CLDN14: variants seen among roughly 807,000 people sequenced by gnomAD.
CLDN14 encodes the protein claudin-14.
Under a neutral mutation model 2.1 loss-of-function variants are expected in CLDN14, and 2 were observed. The observed-to-expected ratio is 0.96, with a 90% CI of 0.39 to 3.01. The LOEUF is 3.01. Among genes scored for constraint, CLDN14 ranks in the 30% most tolerant of loss-of-function variants. The pLI is 0.09. For synonymous variants in CLDN14, 136 were observed against 154.4 expected (o/e 0.88, Z 0.88); for missense variants, 298 against 328.0 (o/e 0.91, Z 0.71).
In CLDN14 at chr21:36,498,827, G is replaced by A. The variant is rs1405517302; in HGVS notation, c.-82+11536C>T. ...GACACCATCAGCCCTGCACGAAGGT[G>A]GCCGCTGAGGGGCCCTCATGGGGGC... On this transcript the variant is annotated intron_variant, in intron 2 of 2. Transcript: ENST00000342108. The surrounding 1 kb of genome is among the most constrained non-coding windows in gnomAD (Gnocchi z 4.9). Among the ~76,000 whole-genome samples, 5 of 152,130 alleles carry A rather than the reference G, an allele frequency of 3.3e-5. No homozygotes were observed. Among genetic ancestry groups the A allele is most frequent in the Non-Finnish European group, 2.9e-5 (2 of 68,024 alleles).
At chr21:36,532,189 T>C (rs184297334) in intron 1 of CLDN14, 1 of 152,238 alleles carries the variant, frequency 6.6e-6, no homozygotes, top group East Asian at 1.9e-4. Context: ...GAGACTTAAA[T>C]TCCACCCGGA....
At chr21:36,575,739 C>A (rs1601642540) in intron 1 of CLDN14, among the ~76,000 whole-genome samples, 1 of 152,178 alleles carries the variant, frequency 6.6e-6, no homozygotes, top group African/African-American at 2.4e-5. Flanking sequence ...TATTACATTG[C>A]AGCTGTTGAT....
chr21:36,552,469 T>A (rs912607826), intron 1 of CLDN14, among the ~76,000 whole-genome samples: 6 of 152,178 alleles, frequency 3.9e-5, no homozygotes, highest in African/African-American at 1.4e-4. Flanking sequence ...GTTAAGTTGA[T>A]CTGTTACAGG....
chr21:36,575,376 A>G (rs2087734684), intron 1 of CLDN14, among the ~76,000 whole-genome samples: 1 of 152,200 alleles, frequency 6.6e-6, no homozygotes, highest in South Asian at 2.1e-4. Flanking sequence ...TATCTCCACA[A>G]TTCTCCTAAG....
At chr21:36,518,817 A>C (rs904210071) in intron 1 of CLDN14, among the ~76,000 whole-genome samples, 1 of 152,222 alleles carries the variant, frequency 6.6e-6, no homozygotes, top group East Asian at 1.9e-4. Flanking sequence ...ATTAATGGGA[A>C]TACCAGGGCA....
intron 1 of CLDN14, among the ~76,000 whole-genome samples, chr21:36,574,007 T>C (rs1312720063): frequency 6.6e-6 from 1 of 152,148 alleles, no homozygotes; most frequent in East Asian, 1.9e-4. Flanking sequence ...TTCTATACAA[T>C]ATATATATAA....
At chr21:36,515,672 C>CA (rs112275304) in intron 1 of CLDN14, among the ~76,000 whole-genome samples, 4,573 of 85,100 alleles carry the variant, frequency 0.054, 88 homozygotes, top group Middle Eastern at 0.069. Flanking sequence ...GTCTCCATCT[C>CA]AAAAAAAAAA....
At chr21:36,521,976 T>C (rs1601622085) in intron 1 of CLDN14, among the ~76,000 whole-genome samples, 2 of 152,194 alleles carry the variant, frequency 1.3e-5, no homozygotes, top group African/African-American at 4.8e-5. Flanking sequence ...GAATTTTCTA[T>C]CAGCAGCAAC....
At chr21:36,525,403 AAT>A (rs753602683) in intron 1 of CLDN14, among the ~76,000 whole-genome samples, 1 of 151,726 alleles carries the variant, frequency 6.6e-6, no homozygotes, top group Non-Finnish European at 1.5e-5. Flanking sequence ...AAAAAAAAGA[AAT>A]AAAGACTTGA....
chr21:36,492,156 C>T (rs1036455269), intron 2 of CLDN14, among the ~76,000 whole-genome samples: 2 of 128,090 alleles, frequency 1.6e-5, no homozygotes, highest in South Asian at 3.0e-4. Flanking sequence ...ATGCAAGGGC[C>T]GGGCGCGGTG....
chr21:36,485,053 A>G (rs2086881693), upstream of CLDN14, among the ~76,000 whole-genome samples: 1 of 151,320 alleles, frequency 6.6e-6, no homozygotes, highest in South Asian at 2.1e-4. Flanking sequence ...ACTTGATGAC[A>G]TCCACAAAGT....
In CLDN14 at chr21:36,461,455, G is replaced by A. The variant is rs143628692; in HGVS notation, c.241C>T (p.Arg81Cys). 23 of 1,613,186 alleles carry A rather than the reference G, an allele frequency of 1.4e-5. No individual in the cohort carries two copies. The highest frequency in any genetic ancestry group is 5.3e-5 in the African/African-American group (4 of 74,936). The change falls in exon 2 of 2, where the codon CGC becomes TGC. Residue 81 changes from arginine to cysteine, a missense_variant. Transcript: ENST00000399135. Reference protein sequence around the residue: ...LALPQDLQAARALMVISCLLS... With the variant: ...LALPQDLQAACALMVISCLLS... ...AGGCAGGAGATGACCATGAGGGCGC[G>A]GGCAGCCTGGAGGTCTTGGGGCAGC...
At chr21:36,557,763 T>C (rs1199369227) in intron 1 of CLDN14, among the ~76,000 whole-genome samples, 3 of 152,258 alleles carry the variant, frequency 2.0e-5, no homozygotes, top group Admixed American at 6.5e-5. Context: ...GTTGTTTTCC[T>C]TGGCTATGCA....
At chr21:36,491,719 G>A (rs962183606) in intron 2 of CLDN14, among the ~76,000 whole-genome samples, 2 of 152,094 alleles carry the variant, frequency 1.3e-5, no homozygotes, top group Non-Finnish European at 2.9e-5. Context: ...TACATGCCTC[G>A]GGAGTGGCGA....
chr21:36,571,950 G>T (rs941743501), intron 1 of CLDN14, among the ~76,000 whole-genome samples: 2 of 152,098 alleles, frequency 1.3e-5, no homozygotes, highest in Non-Finnish European at 2.9e-5. Context: ...AATCCAAAAA[G>T]GATAGAGTTC....
At chr21:36,524,733 C>G (rs1449592858) in intron 1 of CLDN14, among the ~76,000 whole-genome samples, 1 of 152,168 alleles carries the variant, frequency 6.6e-6, no homozygotes, top group Non-Finnish European at 1.5e-5. Flanking sequence ...CACTTCCCAG[C>G]AGGGCTGGTG....
chr21:36,557,756 G>T (rs2087608916), intron 1 of CLDN14, among the ~76,000 whole-genome samples: 1 of 152,130 alleles, frequency 6.6e-6, no homozygotes, highest in South Asian at 2.1e-4. Flanking sequence ...TCTGTGGGTT[G>T]TTTTCCTTGG....
chr21:36,547,609 T>C (rs1000611971), intron 1 of CLDN14, among the ~76,000 whole-genome samples: 1 of 152,138 alleles, frequency 6.6e-6, no homozygotes, highest in Non-Finnish European at 1.5e-5. Flanking sequence ...GAGAGCGAAG[T>C]TAAATGCGAG....
Position 36,469,943 on chromosome 21 carries a change from TTTG to T in CLDN14, c.-81-8170_-81-8168del, listed in dbSNP as rs201904668. 5.3e-3 allele frequency among the ~76,000 whole-genome samples: 803 copies of T among 152,338 alleles called. 3 individuals are homozygous for T. Among genetic ancestry groups the T allele is most frequent in the African/African-American group, 0.014 (580 of 41,572 alleles). ...CAGGCAGGTTTGCTATGTTGCTGTT[TTTG>T]TTGTTGTTGTTTTTCATTTTTCAAG... is the stretch of plus-strand genomic sequence containing the variant. On this transcript the variant is annotated intron_variant, in intron 1 of 1. Transcript: ENST00000399135.
Sources: allele counts gnomAD v4.1 joint callset (sites outside exome capture counted in the v4.1 genomes callset), GRCh38; gene constraint gnomAD v4.1.1; non-coding constraint Gnocchi (gnomAD v3.1); transcripts MANE v1.5; gene names NCBI Gene and HGNC (gene_info 2026-07-23, HGNC 2026-07-21).